Variants in HS6ST3 observed in about 807,000 individuals in gnomAD.
The protein encoded by HS6ST3 is heparan-sulfate 6-O-sulfotransferase 3.
A neutral mutation model predicts 36.7 loss-of-function variants in HS6ST3; 12 were observed. The ratio of observed to expected loss-of-function variants is 0.33; its 90% CI spans 0.21 to 0.53. The LOEUF is 0.53. Ranked by LOEUF, HS6ST3 falls within the 20% of genes least tolerant of loss-of-function variation. The pLI is 0.95. For synonymous variants in HS6ST3, 240 were observed against 257.5 expected (o/e 0.93, Z 0.65); for missense variants, 584 against 640.9 (o/e 0.91, Z 0.96).
chr13:96,630,190 A>G (rs968109866), intron 1 of HS6ST3, among the ~76,000 whole-genome samples: 1 of 152,206 alleles, frequency 6.6e-6, no homozygotes, highest in African/African-American at 2.4e-5. Flanking sequence ...GACTTAACAT[A>G]TGAAGTATTT....
chr13:96,755,759 T>G (rs1206337264), intron 1 of HS6ST3, among the ~76,000 whole-genome samples: 1 of 152,232 alleles, frequency 6.6e-6, no homozygotes, highest in Non-Finnish European at 1.5e-5. Context: ...CTTTTGGGTT[T>G]TTACCATTTC....
At chr13:96,670,692 G>T (rs1255877164) in intron 1 of HS6ST3, among the ~76,000 whole-genome samples, 5 of 152,086 alleles carry the variant, frequency 3.3e-5, no homozygotes, top group Admixed American at 1.3e-4. Flanking sequence ...ATAAAATATT[G>T]AACTGTTCTT....
intron 1 of HS6ST3, among the ~76,000 whole-genome samples, chr13:96,219,949 T>C (rs895616221): frequency 1.3e-5 from 2 of 152,172 alleles, no homozygotes; most frequent in African/African-American, 4.8e-5. Flanking sequence ...CCCAAAGTGT[T>C]GGGATTACAG....
At chr13:96,234,411 A>C (rs1206302850) in intron 1 of HS6ST3, among the ~76,000 whole-genome samples, 4 of 152,120 alleles carry the variant, frequency 2.6e-5, no homozygotes, top group Non-Finnish European at 4.4e-5. Context: ...AAACCAAAAA[A>C]CAAAAAACAA....
chr13:96,670,626 G>A (rs908939236), intron 1 of HS6ST3, among the ~76,000 whole-genome samples: 3 of 152,080 alleles, frequency 2.0e-5, no homozygotes, highest in Non-Finnish European at 4.4e-5. Context: ...TATGGTTATT[G>A]GTTGGAAGTC....
chr13:96,559,964 A>G lies in HS6ST3; in HGVS notation c.708-272526A>G, dbSNP rs563141630. Among the ~76,000 whole-genome samples, 8 of 152,282 alleles carry G rather than the reference A, an allele frequency of 5.3e-5. No individual in the cohort carries two copies. The East Asian group carries it at 1.2e-3, about 22-fold the overall frequency. ...GTTACCTATGACCATTCATACAACT[A>G]TATTTTTAATTATTGTCATCCTAAT... On this transcript the variant is annotated intron_variant, in intron 1 of 1. Coordinates refer to ENST00000376705, the MANE Select transcript of HS6ST3 (RefSeq NM_153456.4).
chr13:96,660,191 G>A (rs1385562267), intron 1 of HS6ST3, among the ~76,000 whole-genome samples: 1 of 152,010 alleles, frequency 6.6e-6, no homozygotes, highest in African/African-American at 2.4e-5. Context: ...CAGAAGAACT[G>A]AGTTTCTATC....
chr13:96,353,636 A>G (rs574779492), intron 1 of HS6ST3, among the ~76,000 whole-genome samples: 2 of 152,282 alleles, frequency 1.3e-5, no homozygotes, highest in Admixed American at 1.3e-4. Flanking sequence ...TTGACTACAT[A>G]TGGAAAATGT....
intron 1 of HS6ST3, among the ~76,000 whole-genome samples, chr13:96,815,481 C>T (rs61968194): frequency 0.033 from 5,006 of 152,162 alleles, 96 homozygotes; most frequent in African/African-American, 0.043. Context: ...CAATTCAACC[C>T]GTAACATCTC....
chr13:96,505,042 T>C (rs1164708192), intron 1 of HS6ST3, among the ~76,000 whole-genome samples: 1 of 152,186 alleles, frequency 6.6e-6, no homozygotes, highest in Non-Finnish European at 1.5e-5. Context: ...GTGGCATCCT[T>C]TCTGTGAGTG....
chr13:96,401,856 G>C (rs1373208723), intron 1 of HS6ST3, among the ~76,000 whole-genome samples: 1 of 152,180 alleles, frequency 6.6e-6, no homozygotes, highest in East Asian at 1.9e-4. Flanking sequence ...TTACAGGTGT[G>C]AGTCACCGCA....
intron 1 of HS6ST3, among the ~76,000 whole-genome samples, chr13:96,774,699 C>T (rs941714812): frequency 2.0e-5 from 3 of 152,048 alleles, no homozygotes; most frequent in Non-Finnish European, 4.4e-5. Context: ...ATCAAACCTA[C>T]GTTTGATTGG....
chr13:96,232,489 A>G (rs774143007), intron 1 of HS6ST3, among the ~76,000 whole-genome samples: 11 of 152,180 alleles, frequency 7.2e-5, no homozygotes, highest in Non-Finnish European at 1.6e-4. Context: ...GAGAATGTGC[A>G]GTCTCCACCA....
intron 1 of HS6ST3, among the ~76,000 whole-genome samples, chr13:96,358,230 A>G (rs1468883766): frequency 6.6e-6 from 1 of 152,228 alleles, no homozygotes; most frequent in African/African-American, 2.4e-5. Context: ...TTAATAATTG[A>G]TCAGACAAGG....
At chr13:96,143,695 C>A (rs2139318894) in intron 1 of HS6ST3, among the ~76,000 whole-genome samples, 2 of 152,112 alleles carry the variant, frequency 1.3e-5, no homozygotes, top group East Asian at 3.9e-4. Flanking sequence ...ACACTCTAAA[C>A]AAACCATTTA....
intron 1 of HS6ST3, among the ~76,000 whole-genome samples, chr13:96,596,817 C>A (rs7328472): frequency 2.6e-3 from 401 of 152,244 alleles, no homozygotes; most frequent in African/African-American, 9.4e-3. Flanking sequence ...TTCAACCTAG[C>A]AATCTCATCA....
chr13:96,232,582 A>C (rs2054513962), intron 1 of HS6ST3, among the ~76,000 whole-genome samples: 1 of 152,142 alleles, frequency 6.6e-6, no homozygotes, highest in Non-Finnish European at 1.5e-5. Context: ...ATCCTGAGAT[A>C]AGCTTGAAAA....
intron 1 of HS6ST3, among the ~76,000 whole-genome samples, chr13:96,338,021 A>G (rs1594757201): frequency 6.6e-6 from 1 of 151,978 alleles, no homozygotes; most frequent in South Asian, 2.1e-4. Context: ...TCCTTTTTCT[A>G]TTTTTAGATG....
chr13:96,387,000 C>T (rs2055371805), intron 1 of HS6ST3, among the ~76,000 whole-genome samples: 1 of 152,112 alleles, frequency 6.6e-6, no homozygotes, highest in Non-Finnish European at 1.5e-5. Context: ...ATGACCATGG[C>T]TCACTGCAGC....
Sources: gnomAD v4.1 joint callset for allele counts (sites outside exome capture counted in the v4.1 genomes callset) on GRCh38, gnomAD v4.1.1 for gene constraint, MANE v1.5 for transcripts, NCBI Gene and HGNC (gene_info 2026-07-23, HGNC 2026-07-21) for gene names.